Variants in CENPP observed in about 807,000 individuals in gnomAD.
CENPP encodes centromere protein P.
In CENPP, 24 loss-of-function variants were observed where a neutral mutation model predicts 35.6. The observed-to-expected ratio is 0.67, with a 90% CI of 0.49 to 0.95. The LOEUF is 0.95. Among genes scored for constraint, CENPP ranks in the 40% least tolerant of loss-of-function variants. The probability of loss-of-function intolerance (pLI) is 0.00; values close to 1 mark genes in which losing one functional copy is unlikely to be tolerated. For missense variants in CENPP, 332 were observed against 345.3 expected, an observed-to-expected ratio of 0.96 and a Z score of 0.31; for synonymous variants, 120 against 125.5, an observed-to-expected ratio of 0.96 and a Z score of 0.29.
intron 5 of CENPP, among the ~76,000 whole-genome samples, chr9:92,441,236 A>G (rs1844379346): frequency 6.6e-6 from 1 of 152,248 alleles, no homozygotes; most frequent in African/African-American, 2.4e-5. Context: ...TTCTATACAT[A>G]TATCAAACAT....
intron 5 of CENPP, among the ~76,000 whole-genome samples, chr9:92,465,354 A>G (rs1319659064): frequency 6.6e-6 from 1 of 152,232 alleles, no homozygotes; most frequent in African/African-American, 2.4e-5. Flanking sequence ...ATCAAAAAAG[A>G]TCATCCTTCA....
chr9:92,555,173 T>A (rs1006545172), intron 5 of CENPP, among the ~76,000 whole-genome samples: 6 of 151,678 alleles, frequency 4.0e-5, no homozygotes, highest in African/African-American at 1.5e-4. Context: ...TCTGGTAGAA[T>A]TCTGCTGTGA....
intron 5 of CENPP, among the ~76,000 whole-genome samples, chr9:92,458,922 A>G (rs1844986313): frequency 6.6e-6 from 1 of 152,216 alleles, no homozygotes; most frequent in South Asian, 2.1e-4. Context: ...ACCGGAAAGA[A>G]AAAGAGAAGA....
At chr9:92,604,584 T>C (rs1851020161) in intron 5 of CENPP, among the ~76,000 whole-genome samples, 2 of 152,176 alleles carry the variant, frequency 1.3e-5, no homozygotes, top group South Asian at 4.1e-4. Context: ...TCACTGCTTT[T>C]TTATTTAGTT....
chr9:92,603,076 A>G (rs1850969729), intron 5 of CENPP, among the ~76,000 whole-genome samples: 3 of 152,212 alleles, frequency 2.0e-5, no homozygotes. Flanking sequence ...GGCATAAGCC[A>G]CCACACCCAG....
chr9:92,382,695 G>A (rs2130872027), intron 5 of CENPP, among the ~76,000 whole-genome samples: 1 of 152,082 alleles, frequency 6.6e-6, no homozygotes, highest in African/African-American at 2.4e-5. Context: ...TAAGGTAGGT[G>A]TCCAACTTCA....
intron 1 of CENPP, among the ~76,000 whole-genome samples, chr9:92,330,648 C>CT (rs566325501): frequency 6.0e-4 from 88 of 145,560 alleles, no homozygotes; most frequent in African/African-American, 2.2e-3. Context: ...GCTAAAATTT[C>CT]TTTTTTTAAA....
intron 5 of CENPP, among the ~76,000 whole-genome samples, chr9:92,516,095 G>A (rs1231139208): frequency 6.8e-6 from 1 of 147,544 alleles, no homozygotes; most frequent in Non-Finnish European, 1.5e-5. Flanking sequence ...ACGGAGTCTT[G>A]CTCTGTCGCC....
chr9:92,499,545 A>C (rs150835567), intron 5 of CENPP, among the ~76,000 whole-genome samples: 347 of 152,334 alleles, frequency 2.3e-3, no homozygotes, highest in Admixed American at 4.8e-3. Flanking sequence ...GACCACTTCA[A>C]TCCAGTGATC....
chr9:92,511,077 A>G (rs1264158440), intron 5 of CENPP, among the ~76,000 whole-genome samples: 1 of 152,192 alleles, frequency 6.6e-6, no homozygotes, highest in Non-Finnish European at 1.5e-5. Flanking sequence ...GTTTACAAAC[A>G]TAAACCCCTT....
At chr9:92,418,935 C>T (rs963824306) in intron 5 of CENPP, among the ~76,000 whole-genome samples, 3 of 152,122 alleles carry the variant, frequency 2.0e-5, no homozygotes, top group African/African-American at 7.2e-5. Flanking sequence ...TTACATTTTT[C>T]TTCCTAGCTT....
At chr9:92,495,339 G>T in intron 5 of CENPP, 1 of 932,904 alleles carries the variant, frequency 1.1e-6, no homozygotes, top group Non-Finnish European at 1.3e-6. Flanking sequence ...TTTAATATAT[G>T]ATTTTGGTAG....
chr9:92,542,976 CTT>C (rs1306077427), intron 5 of CENPP, among the ~76,000 whole-genome samples: 2 of 152,170 alleles, frequency 1.3e-5, no homozygotes, highest in Non-Finnish European at 1.5e-5. Context: ...TGAAGAAACT[CTT>C]CTTTCCCCAT....
chr9:92,481,824 T>C (rs1333127535), intron 5 of CENPP, among the ~76,000 whole-genome samples: 6 of 152,164 alleles, frequency 3.9e-5, no homozygotes, highest in Admixed American at 2.6e-4. Context: ...ATAAGTAAAA[T>C]TGACATTTCA....
rs76486118 is a variant in CENPP at position 92,398,931 on chromosome 9, G to A, written c.564+19072G>A. On this transcript the variant is annotated intron_variant, in intron 5 of 7. Coordinates refer to ENST00000375587, the MANE Select transcript of CENPP (RefSeq NM_001012267.3). ...CAATAAATTAGCCTGGCGTGGTGGCGCGTGCCTGTAATCCCAGCTACTCGG... is the reference window on the plus strand; with the variant it reads ...CAATAAATTAGCCTGGCGTGGTGGCACGTGCCTGTAATCCCAGCTACTCGG... Among the ~76,000 whole-genome samples, 744 of 152,026 alleles carry A rather than the reference G, an allele frequency of 4.9e-3. 4 individuals are homozygous for A. Among genetic ancestry groups the A allele is most frequent in the African/African-American group, 0.015 (640 of 41,464 alleles).
intron 4 of CENPP, among the ~76,000 whole-genome samples, chr9:92,365,777 T>C (rs1841872508): frequency 6.6e-6 from 1 of 151,706 alleles, no homozygotes; most frequent in Non-Finnish European, 1.5e-5. Context: ...CCTTTATGTA[T>C]TTCATTTCTT....
chr9:92,496,082 C>A, intron 5 of CENPP: 1 of 1,142,338 alleles, frequency 8.8e-7, no homozygotes, highest in South Asian at 2.9e-5. Flanking sequence ...AGTGAGATGG[C>A]CTCTTTCTAG....
intron 5 of CENPP, chr9:92,474,674 C>T: frequency 6.2e-7 from 1 of 1,613,732 alleles, no homozygotes; most frequent in Non-Finnish European, 8.5e-7. Context: ...TCCAAATGGA[C>T]ACATTGGAAA....
intron 5 of CENPP, among the ~76,000 whole-genome samples, chr9:92,513,489 T>G (rs1380068980): frequency 6.6e-6 from 1 of 152,190 alleles, no homozygotes; most frequent in Non-Finnish European, 1.5e-5. Flanking sequence ...CACAAACATC[T>G]GTACGTGGAT....
Sources: gnomAD v4.1 joint callset for allele counts (sites outside exome capture counted in the v4.1 genomes callset) on GRCh38, gnomAD v4.1.1 for gene constraint, MANE v1.5 for transcripts, NCBI Gene and HGNC (gene_info 2026-07-23, HGNC 2026-07-21) for gene names.